Variants in TTLL5 observed in about 807,000 individuals in gnomAD.
TTLL5 encodes the protein tubulin polyglutamylase TTLL5.
Under a neutral mutation model 168.4 loss-of-function variants are expected in TTLL5, and 132 were observed. The observed-to-expected ratio is 0.78, with a 90% CI of 0.68 to 0.91. The LOEUF (loss-of-function observed/expected upper bound fraction) is 0.91, where lower values mean the gene tolerates loss of function less well. Ranked by LOEUF, TTLL5 falls within the 40% of genes least tolerant of loss-of-function variation. The probability of loss-of-function intolerance (pLI) is 0.00; values close to 1 mark genes in which losing one functional copy is unlikely to be tolerated. For synonymous variants in TTLL5, 546 were observed against 558.6 expected (o/e 0.98, Z 0.32); for missense variants, 1,545 against 1,581.5 (o/e 0.98, Z 0.39).
chr14:75,768,700 AAG>A (rs1355006501), intron 20 of TTLL5, among the ~76,000 whole-genome samples: 1 of 152,176 alleles, frequency 6.6e-6, no homozygotes, highest in Non-Finnish European at 1.5e-5. Flanking sequence ...ACAGAAGTTT[AAG>A]AGCAAGGAAG....
At chr14:75,666,398 T>C (rs1186949033) in intron 2 of TTLL5, among the ~76,000 whole-genome samples, 1 of 152,264 alleles carries the variant, frequency 6.6e-6, no homozygotes, top group African/African-American at 2.4e-5. Context: ...TTTTCTATAT[T>C]TTGCTTGGGG....
intron 3 of TTLL5, among the ~76,000 whole-genome samples, chr14:75,671,583 T>C (rs889087621): frequency 2.0e-5 from 3 of 152,218 alleles, no homozygotes; most frequent in African/African-American, 7.2e-5. Flanking sequence ...TATAGTTTTC[T>C]GTGTACAAGT....
At position 75,777,814 on chromosome 14, in the gene TTLL5, C is replaced by T. The variant is rs187717563; in HGVS notation, c.2387+964C>T. ...ATCTTTGTTTAATACCCTTTTCAGACCTCACTATCATGCGCTTTACAGCAA... is the reference window on the plus strand; with the variant it reads ...ATCTTTGTTTAATACCCTTTTCAGATCTCACTATCATGCGCTTTACAGCAA... On this transcript the variant is annotated intron_variant, in intron 23 of 31. Transcript: ENST00000298832. 6.0e-4 allele frequency among the ~76,000 whole-genome samples: 91 copies of T among 152,152 alleles called. 1 individual carries two copies. The highest frequency in any genetic ancestry group is 6.8e-3 in the Middle Eastern group (2 of 294).
intron 9 of TTLL5, chr14:75,709,111 T>C (rs1016132217): frequency 1.7e-5 from 12 of 711,650 alleles, no homozygotes; most frequent in Non-Finnish European, 2.6e-5. Flanking sequence ...GTTTAGGAGG[T>C]GATTTGCATC....
chr14:75,776,615 C>T (rs1891738143), intron 22 of TTLL5, 132 bp from the exon 23 acceptor site: 4 of 533,052 alleles, frequency 7.5e-6, no homozygotes, highest in Non-Finnish European at 1.3e-5. Flanking sequence ...GGCAAAAGTA[C>T]ATACAAGAAT....
At chr14:75,675,910 T>C (rs1884112506) in intron 3 of TTLL5, among the ~76,000 whole-genome samples, 1 of 152,176 alleles carries the variant, frequency 6.6e-6, no homozygotes, top group African/African-American at 2.4e-5. Context: ...AAAAGTCCCA[T>C]TATCTACCAT....
At chr14:75,671,444 G>T (rs955511456) in intron 3 of TTLL5, among the ~76,000 whole-genome samples, 7 of 152,168 alleles carry the variant, frequency 4.6e-5, no homozygotes, top group African/African-American at 1.4e-4. Flanking sequence ...TGGCTGTTGG[G>T]ATGTTGATAG....
intron 6 of TTLL5, among the ~76,000 whole-genome samples, chr14:75,692,243 C>T (rs1885517258): frequency 6.6e-6 from 1 of 152,084 alleles, no homozygotes; most frequent in South Asian, 2.1e-4. Flanking sequence ...ATAGGGGTGG[C>T]TTGATAAATG....
intron 20 of TTLL5, among the ~76,000 whole-genome samples, chr14:75,771,111 C>G (rs1417513816): frequency 6.6e-6 from 1 of 152,060 alleles, no homozygotes; most frequent in African/African-American, 2.4e-5. Context: ...TGTCTGTTCC[C>G]CCAAGAAAGT....
rs2032935410 is a variant in TTLL5 at position 75,901,812 on chromosome 14, TAAAC to T, written c.3741-327_3741-324del. ...CCAGAAATATAATTTTTTCCTTCAA[TAAAC>T]AACTATTTATTGAGTACTTGTTATG... On this transcript the variant is annotated intron_variant, in intron 30 of 31. Transcript: ENST00000298832. Among the ~76,000 whole-genome samples, 3 of 152,240 alleles carry T rather than the reference TAAAC, an allele frequency of 2.0e-5. No individual in the cohort carries two copies. The South Asian group carries it at 6.2e-4, about 32-fold the overall frequency.
At position 75,874,933 on chromosome 14, in the gene TTLL5, C is replaced by CCTTTTTTTTTTTTTT. The variant is rs778792332; in HGVS notation, c.3523-7752_3523-7751insCTTTTTTTTTTTTTT. Reference sequence around the variant, plus strand: ...AGAGAAAAAAAAAGACACTGGGGGCCTTTTTTTTTTTTTTTTTTGAGACGG... The same window carrying CCTTTTTTTTTTTTTT: ...AGAGAAAAAAAAAGACACTGGGGGCCCTTTTTTTTTTTTTTTTTTTTTTTTTTTTTTTTGAGACGG... On this transcript the variant is annotated intron_variant, in intron 29 of 31. Coordinates refer to ENST00000298832, the MANE Select transcript of TTLL5 (RefSeq NM_015072.5). Among the ~76,000 whole-genome samples the CCTTTTTTTTTTTTTT allele has an allele frequency of 7.9e-4, 77 of 97,532 alleles. 11 individuals carry two copies. Among genetic ancestry groups the CCTTTTTTTTTTTTTT allele is most frequent in the African/African-American group, 3.6e-3 (74 of 20,368 alleles). 64.0% of individuals were successfully genotyped at this position (97,532 alleles called of 152,430 possible). A position where few individuals can be genotyped will look rare whatever the true frequency, so the allele number is the denominator to read the frequency against.
chr14:75,890,268 C>T (rs1275449206), intron 30 of TTLL5, among the ~76,000 whole-genome samples: 1 of 151,996 alleles, frequency 6.6e-6, no homozygotes, highest in Non-Finnish European at 1.5e-5. Flanking sequence ...AACCATAAAA[C>T]AAAGCTAAGA....
intron 18 of TTLL5, chr14:75,757,840 A>G (rs1258265777): frequency 6.3e-7 from 1 of 1,592,808 alleles, no homozygotes; most frequent in South Asian, 1.1e-5. Flanking sequence ...GGGGAAACCC[A>G]AGAAGAAGCT....
rs1349468537 is a variant in TTLL5, at chr14:75,707,654, C to T, written c.687C>T (p.Leu229=). The T allele has an allele frequency of 4.4e-6, 7 of 1,593,884 alleles. No homozygotes were observed. Among genetic ancestry groups the T allele is most frequent in the Admixed American group, 1.7e-5 (1 of 59,206 alleles). ...DFKFDVRLYV[L]VTSYDPLVIY... The stretch of plus-strand genomic sequence containing the variant: ...AGTTTGACGTGCGCCTCTATGTGCT[C>T]GTGACTTCCTATGATCCTCTTGTCA... The change falls in exon 9 of 32, where the codon CTC becomes CTT. Residue 229 remains leucine (L), a synonymous_variant. Transcript: ENST00000298832.
chr14:75,758,466 A>G (rs1419485354), intron 18 of TTLL5, among the ~76,000 whole-genome samples: 2 of 152,234 alleles, frequency 1.3e-5, no homozygotes, highest in Non-Finnish European at 2.9e-5. Flanking sequence ...TATGCTTCCT[A>G]TAACATACTG....
Position 75,887,225 on chromosome 14 carries a change from G to C in TTLL5, c.3740+4323G>C, listed in dbSNP as rs551263594. ...CCAATTAATGTTACCTGAACATGTG[G>C]TGAGGTCAGCCGTATGATGAAAGAT... On this transcript the variant is annotated intron_variant, in intron 30 of 31. Coordinates refer to ENST00000298832, the MANE Select transcript of TTLL5 (RefSeq NM_015072.5). 1.3e-4 allele frequency: 125 copies of C among 990,610 alleles called. 2 individuals are homozygous for C. In the South Asian group the frequency reaches 4.6e-3, roughly 36 times the overall value. The allele number at this position is 990,610 out of a possible 1,614,324, so 61.4% of individuals were successfully genotyped here. A position where few individuals can be genotyped will look rare whatever the true frequency, so the allele number is the denominator to read the frequency against.
chr14:75,811,939 G>A (rs763242407), intron 27 of TTLL5, among the ~76,000 whole-genome samples: 3 of 152,122 alleles, frequency 2.0e-5, no homozygotes, highest in Non-Finnish European at 4.4e-5. Flanking sequence ...CCGGAAATTG[G>A]CCTCTTTCTC....
chr14:75,903,790 G>A (rs994369048), intron 31 of TTLL5, among the ~76,000 whole-genome samples: 2 of 151,554 alleles, frequency 1.3e-5, no homozygotes, highest in African/African-American at 2.4e-5. Flanking sequence ...AGCTACTCAA[G>A]AGGCTGAGGT....
chr14:75,871,727 G>A (rs2031053001), intron 29 of TTLL5, among the ~76,000 whole-genome samples: 3 of 152,184 alleles, frequency 2.0e-5, no homozygotes, highest in Admixed American at 2.0e-4. Context: ...GTAACTTTGT[G>A]TGAGATGATG....
Sources: gnomAD v4.1 joint callset for allele counts (sites outside exome capture counted in the v4.1 genomes callset) on GRCh38, gnomAD v4.1.1 for gene constraint, MANE v1.5 for transcripts, NCBI Gene and HGNC (gene_info 2026-07-23, HGNC 2026-07-21) for gene names.